Variants in TRPM3 observed in about 807,000 individuals in gnomAD.
TRPM3 encodes transient receptor potential cation channel subfamily M member 3.
TRPM3 carries 77 observed loss-of-function variants against 181.2 expected under a neutral mutation model. The observed-to-expected ratio is 0.42, with a 90% CI of 0.35 to 0.51. The LOEUF is 0.51. Ranked by LOEUF, TRPM3 falls within the 20% of genes least tolerant of loss-of-function variation. The pLI, the probability that TRPM3 is intolerant of heterozygous loss-of-function variation, is 0.01. For synonymous variants in TRPM3, 745 were observed against 796.4 expected (o/e 0.94, Z 1.09); for missense variants, 1,759 against 2,196.7 (o/e 0.80, Z 3.98).
chr9:71,168,609 AT>A (rs1234571617), intron 1 of TRPM3, among the ~76,000 whole-genome samples: 2 of 42,192 alleles, frequency 4.7e-5, no homozygotes, highest in African/African-American at 8.8e-5. Context: ...ATTTTTATTT[AT>A]TTTTTTATTA....
intron 6 of TRPM3, among the ~76,000 whole-genome samples, chr9:70,810,464 G>A (rs1277288651): frequency 2.0e-5 from 3 of 149,272 alleles, no homozygotes; most frequent in Middle Eastern, 3.7e-3. Flanking sequence ...CCATCCCCAC[G>A]CTCCTCTCCA....
intron 1 of TRPM3, among the ~76,000 whole-genome samples, chr9:71,189,760 C>T (rs75543938): frequency 0.024 from 3,663 of 151,896 alleles, 138 homozygotes; most frequent in African/African-American, 0.082. Context: ...TCCCACAACA[C>T]TCTGTATATG....
Position 71,086,883 on chromosome 9 carries a change from C to T in TRPM3, c.177+34295G>A, listed in dbSNP as rs778514819. On this transcript the variant is annotated intron_variant, in intron 1 of 25. Transcript: ENST00000677713. ...ATGTACTTTGCACTGAGAATTAGTG[C>T]CTCTTGAAATTTACACTCTCGGCAC... Among the ~76,000 whole-genome samples, 7 of 152,092 alleles carry T rather than the reference C, an allele frequency of 4.6e-5. No individual in the cohort carries two copies. In the South Asian group the frequency reaches 8.3e-4, roughly 18 times the overall value.
intron 1 of TRPM3, among the ~76,000 whole-genome samples, chr9:71,413,245 A>G (rs2131470283): frequency 6.6e-6 from 1 of 152,292 alleles, no homozygotes; most frequent in South Asian, 2.1e-4. Context: ...TTAAAGTATA[A>G]CAAAAAAATA....
At chr9:70,906,528 A>G (rs1403212780) in intron 1 of TRPM3, among the ~76,000 whole-genome samples, 2 of 151,362 alleles carry the variant, frequency 1.3e-5, no homozygotes, top group Non-Finnish European at 3.0e-5. Flanking sequence ...GAAGTTTGGG[A>G]AAGGCTTCTC....
At chr9:70,873,745 A>G (rs1223306191) in intron 1 of TRPM3, among the ~76,000 whole-genome samples, 1 of 151,980 alleles carries the variant, frequency 6.6e-6, no homozygotes, top group African/African-American at 2.4e-5. Flanking sequence ...TTAGGGGAAG[A>G]GTCACACGAT....
intron 16 of TRPM3, 69 bp downstream of exon 16, chr9:70,620,007 C>T (rs2063399113): frequency 1.3e-6 from 2 of 1,495,072 alleles, no homozygotes; most frequent in Non-Finnish European, 1.8e-6. Context: ...GTAGCTCAGA[C>T]TCTCCAGCAC....
At chr9:71,009,983 A>T (rs771789370) in intron 1 of TRPM3, among the ~76,000 whole-genome samples, 24 of 152,174 alleles carry the variant, frequency 1.6e-4, no homozygotes, top group Middle Eastern at 3.2e-3. Context: ...ATTGGGGAAA[A>T]GACAGTCTCT....
chr9:70,774,483 T>G (rs2130656656), intron 7 of TRPM3: 1 of 152,270 alleles, frequency 6.6e-6, no homozygotes, highest in South Asian at 2.1e-4. Flanking sequence ...GTAGTTACGT[T>G]TTTGGGAAGT....
intron 1 of TRPM3, among the ~76,000 whole-genome samples, chr9:71,300,718 T>G (rs2086690846): frequency 6.6e-6 from 1 of 152,128 alleles, no homozygotes; most frequent in African/African-American, 2.4e-5. Flanking sequence ...ATAAAAGCCT[T>G]GCCAGTTCTT....
At chr9:71,082,178 G>GTA (rs2064471712) in intron 1 of TRPM3, among the ~76,000 whole-genome samples, 1 of 152,150 alleles carries the variant, frequency 6.6e-6, no homozygotes, top group Non-Finnish European at 1.5e-5. Flanking sequence ...CTCAAATCTT[G>GTA]TAGGAATATA....
intron 1 of TRPM3, among the ~76,000 whole-genome samples, chr9:71,441,915 G>A (rs573755351): frequency 6.6e-6 from 1 of 152,300 alleles, no homozygotes; most frequent in East Asian, 1.9e-4. Flanking sequence ...ACAGGCATGA[G>A]CCACTGTGCC....
In TRPM3 at chr9:71,159,650, T is replaced by C. The variant is rs149650593; in HGVS notation, c.183+287003A>G. Among the ~76,000 whole-genome samples, 55 of 152,236 alleles carry C rather than the reference T, an allele frequency of 3.6e-4. No homozygotes were observed. The East Asian group carries it at 0.01, about 28-fold the overall frequency. ...TAAAAGGGTACGAGCCCTTTTTCAG[T>C]GAAAAATAGCTTATACCTGTTGTAT... is the stretch of plus-strand genomic sequence containing the variant. On this transcript the variant is annotated intron_variant, in intron 1 of 24. Transcript: ENST00000357533.
chr9:71,079,081 A>G (rs1479699298), intron 1 of TRPM3, among the ~76,000 whole-genome samples: 2 of 151,934 alleles, frequency 1.3e-5, no homozygotes, highest in African/African-American at 4.8e-5. Flanking sequence ...ATTCTTGGGG[A>G]GGCAGGGGTG....
chr9:71,094,280 A>T (rs1036723659), intron 1 of TRPM3, among the ~76,000 whole-genome samples: 37 of 152,016 alleles, frequency 2.4e-4, no homozygotes, highest in African/African-American at 7.2e-4. Flanking sequence ...AATAAATTTT[A>T]AAAAAAACTT....
At chr9:70,869,375 A>C (rs2132536862) in intron 1 of TRPM3, among the ~76,000 whole-genome samples, 1 of 136,892 alleles carries the variant, frequency 7.3e-6, no homozygotes, top group African/African-American at 2.7e-5. Flanking sequence ...CCATTTTCAG[A>C]GAGAAAGCTT....
chr9:71,079,519 T>C (rs1042770705), intron 1 of TRPM3, among the ~76,000 whole-genome samples: 3 of 152,224 alleles, frequency 2.0e-5, no homozygotes, highest in African/African-American at 7.2e-5. Flanking sequence ...TTTGGTAAAG[T>C]ACCTGGGTGT....
intron 1 of TRPM3, among the ~76,000 whole-genome samples, chr9:70,977,724 A>G (rs1651786530): frequency 6.6e-6 from 1 of 152,168 alleles, no homozygotes; most frequent in Non-Finnish European, 1.5e-5. Context: ...ATTTGCCAGA[A>G]CAGCTCATGG....
At chr9:70,767,026 T>C (rs770102783) in intron 7 of TRPM3, among the ~76,000 whole-genome samples, 1 of 152,272 alleles carries the variant, frequency 6.6e-6, no homozygotes, top group Non-Finnish European at 1.5e-5. Flanking sequence ...GTATGCATTA[T>C]TCAGAGAGTC....
Sources: gnomAD v4.1 joint callset for allele counts (sites outside exome capture counted in the v4.1 genomes callset) on GRCh38, gnomAD v4.1.1 for gene constraint, MANE v1.5 for transcripts, NCBI Gene and HGNC (gene_info 2026-07-23, HGNC 2026-07-21) for gene names.